TF: variants seen among roughly 807,000 people sequenced by gnomAD.
TF encodes the protein serotransferrin.
TF carries 55 observed loss-of-function variants against 82.4 expected under a neutral mutation model. That is an observed-to-expected ratio of 0.67 (90% CI 0.54 to 0.84). TF has a LOEUF of 0.84. Ranked by LOEUF, TF falls within the 40% of genes least tolerant of loss-of-function variation. TF has a pLI of 0.00. For missense variants in TF, 737 were observed against 868.4 expected, an observed-to-expected ratio of 0.85 and a Z score of 1.90; for synonymous variants, 332 against 332.6, an observed-to-expected ratio of 1.00 and a Z score of 0.02.
intron 14 of TF, chr3:133,774,261 C>CT (rs1317064827): frequency 6.6e-6 from 1 of 152,078 alleles, no homozygotes; most frequent in Non-Finnish European, 1.5e-5. Flanking sequence ...ACTAACTATT[C>CT]CACTTCTATG....
intron 12 of TF, 41 bp from the exon 13 acceptor site, chr3:133,767,988 T>G: frequency 6.2e-7 from 1 of 1,613,774 alleles, no homozygotes; most frequent in South Asian, 1.1e-5. Context: ...CTGCTTGCAT[T>G]GACTCAGGAA....
intron 2 of TF, among the ~76,000 whole-genome samples, chr3:133,749,756 A>G (rs573507487): frequency 1.3e-5 from 2 of 152,352 alleles, no homozygotes; most frequent in South Asian, 4.1e-4. Flanking sequence ...AAGCACAGCC[A>G]GATATTAGTT....
the TF span, chr3:133,707,596 C>A: frequency 6.6e-6 from 1 of 152,158 alleles, no homozygotes; most frequent in African/African-American, 2.4e-5. Flanking sequence ...CAAGACGGAC[C>A]TTCCATCTGC....
At chr3:133,776,163 A>G (rs1934384291) in intron 15 of TF, among the ~76,000 whole-genome samples, 2 of 152,220 alleles carry the variant, frequency 1.3e-5, no homozygotes, top group Admixed American at 1.3e-4. Flanking sequence ...AAAATGAAGA[A>G]GACAGCTCCT....
At chr3:133,707,641 G>A in the TF span, 1 of 152,232 alleles carries the variant, frequency 6.6e-6, no homozygotes, top group African/African-American at 2.4e-5. Context: ...GTTTGAATTT[G>A]TAGAGACCTG....
intron 9 of TF, chr3:133,760,297 C>T (rs1933961831): frequency 6.6e-6 from 1 of 152,434 alleles, no homozygotes; most frequent in Non-Finnish European, 1.5e-5. Flanking sequence ...TTTTTGAGCA[C>T]TTATGAATAA....
chr3:133,763,547 C>T lies in TF; in HGVS notation c.1204-635C>T, dbSNP rs557581889. 7.9e-5 allele frequency among the ~76,000 whole-genome samples: 12 copies of T among 152,236 alleles called. No individual in the cohort carries two copies. In the East Asian group the frequency reaches 2.1e-3, roughly 27 times the overall value. On this transcript the variant is annotated intron_variant, in intron 9 of 16. Transcript: ENST00000402696. ...TTTTTGCCCACTTACACATTTTGTC[C>T]AAATAGTTGCCCACCAATCTGATTG...
Position 133,796,427 on chromosome 3 carries a change from C to T in TF, c.*17807C>T, listed in dbSNP as rs149408359. 4 of 152,326 alleles carry T rather than the reference C, an allele frequency of 2.6e-5. No individual in the cohort carries two copies. The highest frequency in any genetic ancestry group is 9.7e-5 in the African/African-American group (4 of 41,440). The allele number at this position is 152,326 out of a possible 1,614,324, so 9.4% of individuals were successfully genotyped here. ...ATATAAGGCAGATGCATGCTCACTT[C>T]CTAGAACTAAATCAAATGGAAACAC... On this transcript the variant is annotated 3_prime_UTR_variant, in exon 17 of 17. Coordinates refer to ENST00000402696, the MANE Select transcript of TF (RefSeq NM_001063.4).
chr3:133,679,150 C>T, the TF span, among the ~76,000 whole-genome samples: 1 of 152,046 alleles, frequency 6.6e-6, no homozygotes, highest in Non-Finnish European at 1.5e-5. Flanking sequence ...GGATTACAGA[C>T]ATGAGCCACC....
the TF span, among the ~76,000 whole-genome samples, chr3:133,705,469 T>A: frequency 6.6e-6 from 1 of 152,122 alleles, no homozygotes; most frequent in African/African-American, 2.4e-5. Flanking sequence ...GGATATGACC[T>A]CTCCCTCTCT....
chr3:133,768,829 G>A (rs1226534415), intron 13 of TF, among the ~76,000 whole-genome samples: 1 of 110,100 alleles, frequency 9.1e-6, no homozygotes, highest in East Asian at 2.9e-4. Flanking sequence ...AGCTCTCTCT[G>A]TTGCCCAGGC....
intron 10 of TF, 49 bp from the exon 11 acceptor site, chr3:133,764,826 A>G: frequency 1.3e-6 from 2 of 1,584,912 alleles, no homozygotes; most frequent in Non-Finnish European, 1.7e-6. Flanking sequence ...TGGTTTCCCA[A>G]TCTATAAATC....
At chr3:133,714,946 G>A in the TF span, among the ~76,000 whole-genome samples, 2 of 152,046 alleles carry the variant, frequency 1.3e-5, no homozygotes, top group Admixed American at 1.3e-4. Flanking sequence ...GCCTCCCAAA[G>A]TGCTGGGATT....
At chr3:133,756,153 G>A (rs1435314728) in intron 5 of TF, 129 bp from the exon 6 acceptor site, 1 of 850,424 alleles carries the variant, frequency 1.2e-6, no homozygotes, top group African/African-American at 1.7e-5. Flanking sequence ...ACACCATGGT[G>A]TTGCTTCAGC....
rs930279590 is a variant in TF, at chr3:133,781,831, C to T, written c.*3211C>T. On this transcript the variant is annotated 3_prime_UTR_variant, in exon 17 of 17. Transcript: ENST00000402696. ...AATGGGACTACATCAAGCTGAAAAG[C>T]TTCTGCATAGCAAAGACAACAAGCA... 6.6e-6 allele frequency: 1 copy of T among 152,116 alleles called. No individual in the cohort carries two copies. Among genetic ancestry groups the T allele is most frequent in the Non-Finnish European group, 1.5e-5 (1 of 68,002 alleles). The allele number at this position is 152,116 out of a possible 1,614,324, so 9.4% of individuals were successfully genotyped here.
the TF span, among the ~76,000 whole-genome samples, chr3:133,678,267 G>A: frequency 6.6e-6 from 1 of 152,164 alleles, no homozygotes; most frequent in Non-Finnish European, 1.5e-5. Flanking sequence ...TCATTGATGG[G>A]CATTTGGGTT....
chr3:133,735,455 T>C, the TF span, among the ~76,000 whole-genome samples: 1 of 152,102 alleles, frequency 6.6e-6, no homozygotes, highest in Non-Finnish European at 1.5e-5. Context: ...GAGAATGAGT[T>C]TGACGAATTG....
chr3:133,764,824 C>G, intron 10 of TF, 51 bp from the exon 11 acceptor site: 1 of 1,577,994 alleles, frequency 6.3e-7, no homozygotes. Flanking sequence ...CATGGTTTCC[C>G]AATCTATAAA....
chr3:133,725,376 C>A, the TF span, among the ~76,000 whole-genome samples: 2 of 152,134 alleles, frequency 1.3e-5, no homozygotes, highest in African/African-American at 4.8e-5. Context: ...CTTCACGTCC[C>A]TTGTAAGTTG....
Sources: gnomAD v4.1 joint callset for allele counts (sites outside exome capture counted in the v4.1 genomes callset) on GRCh38, gnomAD v4.1.1 for gene constraint, MANE v1.5 for transcripts, NCBI Gene and HGNC (gene_info 2026-07-23, HGNC 2026-07-21) for gene names.